Variants in KIF24 observed in about 807,000 individuals in gnomAD.
KIF24 encodes the protein kinesin-like protein KIF24.
A neutral mutation model predicts 118.9 loss-of-function variants in KIF24; 81 were observed. That is an observed-to-expected ratio of 0.68 (90% CI 0.57 to 0.82). KIF24 has a LOEUF of 0.82. KIF24 is among the 40% of genes least tolerant of loss of function. The pLI is 0.00. For synonymous variants in KIF24, 599 were observed against 610.0 expected, an observed-to-expected ratio of 0.98 and a Z score of 0.27; for missense variants, 1,560 against 1,661.6, an observed-to-expected ratio of 0.94 and a Z score of 1.06.
intron 2 of KIF24, among the ~76,000 whole-genome samples, chr9:34,309,208 C>T (rs974897754): frequency 6.6e-6 from 1 of 152,000 alleles, no homozygotes; most frequent in African/African-American, 2.4e-5. Context: ...TAAGTAATTC[C>T]AATTTAGATT....
In KIF24 at chr9:34,318,173, C is replaced by A. The variant is rs1837387508; in HGVS notation, c.-25-6802G>T. 6.7e-6 allele frequency among the ~76,000 whole-genome samples: 1 copy of A among 150,140 alleles called. No individual in the cohort carries two copies. Among genetic ancestry groups the A allele is most frequent in the Non-Finnish European group, 1.5e-5 (1 of 67,648 alleles). ...AAATACATGAATAATGCAGCCTGGG[C>A]AACATAGTGAGACCCCGCCCCTAAA... On this transcript the variant is annotated intron_variant, in intron 1 of 12. Coordinates refer to ENST00000402558, the MANE Select transcript of KIF24 (RefSeq NM_194313.4). This position sits in a 1 kb window ranked among gnomAD's most constrained non-coding sequence, Gnocchi z 4.9.
At chr9:34,276,769 T>C (rs1051607504) in intron 6 of KIF24, among the ~76,000 whole-genome samples, 2 of 152,224 alleles carry the variant, frequency 1.3e-5, no homozygotes, top group African/African-American at 4.8e-5. Context: ...AGAAGACTGC[T>C]AATTTATAAA....
intron 4 of KIF24, among the ~76,000 whole-genome samples, chr9:34,290,803 T>C (rs950202627): frequency 6.6e-6 from 1 of 152,104 alleles, no homozygotes. Flanking sequence ...TTTCACCATG[T>C]TGGCCAAGCT....
At chr9:34,286,530 C>T (rs918103946) in intron 6 of KIF24, 87 bp downstream of exon 6, 1 of 904,260 alleles carries the variant, frequency 1.1e-6, no homozygotes, top group African/African-American at 1.6e-5. Context: ...AAATATAAGT[C>T]CACAGTACTT....
At chr9:34,284,925 A>C (rs982820509) in intron 6 of KIF24, among the ~76,000 whole-genome samples, 1 of 152,208 alleles carries the variant, frequency 6.6e-6, no homozygotes, top group Non-Finnish European at 1.5e-5. Context: ...AAAAGGCTCC[A>C]AACAATCTAA....
rs1835522424 is a variant in KIF24, at chr9:34,271,876, C to T, written c.1270G>A (p.Asp424Asn). The T allele has an allele frequency of 1.2e-6, 2 of 1,609,758 alleles. No individual in the cohort carries two copies. Among genetic ancestry groups the T allele is most frequent in the Admixed American group, 3.4e-5 (2 of 59,352 alleles). The change falls in exon 7 of 13, where the codon GAC becomes AAC. Residue 424 changes from aspartate (D) to asparagine (N), a missense_variant. Asp to Asn is a conservative substitution (Grantham distance 23). Transcript: ENST00000402558. ...ATGACGGCATGGGAGCGGGAGGAGT[C>T]TGCATTAACTCCAGTGGCCCCAGTG... ...RSTGATGVNA[D>N]SSRSHAVIQI...
At position 34,306,801 on chromosome 9, in the gene KIF24, C is replaced by CA. The variant is rs879605765; in HGVS notation, c.624-361dup. ...TGGGCGACAGAGCCAGATTCTGTCT[C>CA]AAAAAAAAAAAAAGTATTGGTACAT... is the stretch of plus-strand genomic sequence containing the variant. On this transcript the variant is annotated intron_variant, in intron 2 of 12. Transcript: ENST00000402558. Among the ~76,000 whole-genome samples, 216 of 134,986 alleles carry CA rather than the reference C, an allele frequency of 1.6e-3. 1 individual carries two copies. The highest frequency in any genetic ancestry group is 2.3e-3 in the East Asian group (11 of 4,734). The allele number at this position is 134,986 out of a possible 152,430, so 88.6% of individuals were successfully genotyped here.
chr9:34,286,799 T>A, intron 5 of KIF24, 95 bp from the exon 6 acceptor site: 2 of 856,662 alleles, frequency 2.3e-6, no homozygotes, highest in Non-Finnish European at 3.9e-6. Context: ...CTCTATTAAG[T>A]AGCAGTTTTC....
At chr9:34,283,305 G>C (rs1302103324) in intron 6 of KIF24, among the ~76,000 whole-genome samples, 1 of 151,930 alleles carries the variant, frequency 6.6e-6, no homozygotes, top group African/African-American at 2.4e-5. Flanking sequence ...CAGGGAGACT[G>C]AGACTGCAGT....
At chr9:34,314,031 C>T (rs905455841) in intron 1 of KIF24, among the ~76,000 whole-genome samples, 24 of 151,854 alleles carry the variant, frequency 1.6e-4, no homozygotes, top group African/African-American at 5.8e-4. Flanking sequence ...GGTGGGATTA[C>T]AGGTATAAGC....
At chr9:34,296,902 C>T in intron 4 of KIF24, 115 bp downstream of exon 4, 1 of 547,796 alleles carries the variant, frequency 1.8e-6, no homozygotes, top group Non-Finnish European at 3.3e-6. Flanking sequence ...TAGCTCAAAA[C>T]ACAAATTCAT....
intron 7 of KIF24, among the ~76,000 whole-genome samples, chr9:34,270,319 C>T (rs964342486): frequency 3.3e-5 from 5 of 151,648 alleles, no homozygotes; most frequent in Admixed American, 2.0e-4. Context: ...GATCGAGACC[C>T]TCCTGGCTAA....
chr9:34,322,718 GTGA>G (rs1837561785), intron 1 of KIF24, among the ~76,000 whole-genome samples: 1 of 152,116 alleles, frequency 6.6e-6, no homozygotes, highest in South Asian at 2.1e-4. Flanking sequence ...GCTGGGTGTG[GTGA>G]TGTATGCCTT....
chr9:34,270,772 CTT>C (rs909845624), intron 7 of KIF24, among the ~76,000 whole-genome samples: 9 of 141,872 alleles, frequency 6.3e-5, no homozygotes, highest in Admixed American at 7.1e-5. Context: ...TAATTTTTAC[CTT>C]TTTTTTTTTT....
chr9:34,254,596 C>G, intron 12 of KIF24, 76 bp from the exon 13 acceptor site: 1 of 1,482,038 alleles, frequency 6.7e-7, no homozygotes, highest in East Asian at 2.3e-5. Context: ...TCAGTCCCTC[C>G]TCTGGCAGGA....
At chr9:34,267,442 T>C (rs1362123717) in intron 8 of KIF24, among the ~76,000 whole-genome samples, 3 of 152,104 alleles carry the variant, frequency 2.0e-5, no homozygotes, top group Non-Finnish European at 4.4e-5. Context: ...TACCTATGAA[T>C]TGTTTTTGCC....
Position 34,329,188 on chromosome 9 carries a change from T to C in KIF24, c.-108A>G, listed in dbSNP as rs551578155. ...GGAGTGAGCCCCAAAGCCCGCAACC[T>C]AACAGTCCCGTCAACCCGGGAGCCA... On this transcript the variant is annotated 5_prime_UTR_variant, in exon 1 of 13. Transcript: ENST00000402558. Among the ~76,000 whole-genome samples the C allele has an allele frequency of 6.6e-5, 10 of 152,334 alleles. No individual in the cohort carries two copies. The highest frequency in any genetic ancestry group is 4.6e-4 in the Admixed American group (7 of 15,308).
At chr9:34,280,006 C>T (rs11788122) in intron 6 of KIF24, among the ~76,000 whole-genome samples, 53,458 of 151,698 alleles carry the variant, frequency 0.35, 10,857 homozygotes, top group South Asian at 0.57. Flanking sequence ...CAGTGCCGGC[C>T]GGGCGCGGTG....
At chr9:34,311,717 T>C (rs1309541327) in intron 1 of KIF24, among the ~76,000 whole-genome samples, 2 of 140,206 alleles carry the variant, frequency 1.4e-5, no homozygotes, top group African/African-American at 2.6e-5. Flanking sequence ...TACGTATATA[T>C]GTATATACAC....
Sources: allele counts gnomAD v4.1 joint callset (sites outside exome capture counted in the v4.1 genomes callset), GRCh38; gene constraint gnomAD v4.1.1; non-coding constraint Gnocchi (gnomAD v3.1); transcripts MANE v1.5; gene names NCBI Gene and HGNC (gene_info 2026-07-23, HGNC 2026-07-21).